Variants in FUT8 observed in about 807,000 individuals in gnomAD.
FUT8 encodes the protein fucosyltransferase 8.
Under a neutral mutation model 71.3 loss-of-function variants are expected in FUT8, and 29 were observed. That is an observed-to-expected ratio of 0.41 (90% confidence interval 0.30 to 0.55). FUT8 has a LOEUF of 0.55. Among genes scored for constraint, FUT8 ranks in the 20% least tolerant of loss-of-function variants. The probability of loss-of-function intolerance (pLI) is 0.34; values close to 1 mark genes in which losing one functional copy is unlikely to be tolerated. For missense variants in FUT8, 544 were observed against 702.1 expected, an observed-to-expected ratio of 0.77 and a Z score of 2.55; for synonymous variants, 254 against 239.3, an observed-to-expected ratio of 1.06 and a Z score of -0.57.
chr14:65,526,626 G>C (rs1883489217), intron 2 of FUT8, among the ~76,000 whole-genome samples: 1 of 152,148 alleles, frequency 6.6e-6, no homozygotes, highest in African/African-American at 2.4e-5. Context: ...TGGTTATTTT[G>C]CTTGTTAGTT....
At chr14:65,712,868 G>T (rs552759241) in intron 7 of FUT8, among the ~76,000 whole-genome samples, 1 of 152,262 alleles carries the variant, frequency 6.6e-6, no homozygotes, top group African/African-American at 2.4e-5. Context: ...CAGGGTAAAT[G>T]GGGTATCCAT....
rs34809476 is a variant in FUT8, at chr14:65,508,491, G to GTTTTTT, written c.-228+52794_-228+52799dup. On this transcript the variant is annotated intron_variant, in intron 2 of 10. Transcript: ENST00000673929. ...AATTTTTTCCTGTAGAGTTGTTTGA[G>GTTTTTT]TTTTTTTTTTTTTTTTTTTTTTTTT... is the stretch of plus-strand genomic sequence containing the variant. 3.4e-4 allele frequency among the ~76,000 whole-genome samples: 16 copies of GTTTTTT among 46,498 alleles called. 2 individuals are homozygous for GTTTTTT. The highest frequency in any genetic ancestry group is 2.3e-3 in the South Asian group (2 of 876). 30.5% of individuals were successfully genotyped at this position (46,498 alleles called of 152,430 possible). A position where few individuals can be genotyped will look rare whatever the true frequency, so the allele number is the denominator to read the frequency against.
chr14:65,361,831 T>C, the FUT8 span, among the ~76,000 whole-genome samples: 1 of 151,906 alleles, frequency 6.6e-6, no homozygotes, highest in African/African-American at 2.4e-5. Flanking sequence ...AATAAATAAA[T>C]AAATAAATTA....
chr14:65,485,198 A>G, intron 2 of FUT8, among the ~76,000 whole-genome samples: 1 of 152,078 alleles, frequency 6.6e-6, no homozygotes, highest in East Asian at 1.9e-4. Context: ...ATAATTTTTA[A>G]TGTCCTTGTT....
chr14:65,590,668 A>G (rs1342443260), intron 3 of FUT8, among the ~76,000 whole-genome samples: 1 of 152,224 alleles, frequency 6.6e-6, no homozygotes, highest in African/African-American at 2.4e-5. Context: ...CATAGAAAAT[A>G]AAGGGTTCTA....
chr14:65,491,615 C>A (rs1007501232), intron 2 of FUT8, among the ~76,000 whole-genome samples: 9 of 151,972 alleles, frequency 5.9e-5, no homozygotes, highest in African/African-American at 2.2e-4. Flanking sequence ...TTTATAAAAT[C>A]ACATAATTTT....
At chr14:65,683,732 A>G (rs1439771085) in intron 7 of FUT8, among the ~76,000 whole-genome samples, 3 of 152,160 alleles carry the variant, frequency 2.0e-5, no homozygotes, top group African/African-American at 7.2e-5. Context: ...CACCAAAAAT[A>G]AAAGCAGAGG....
intron 6 of FUT8, among the ~76,000 whole-genome samples, chr14:65,651,680 C>T (rs149036763): frequency 1.3e-5 from 2 of 152,020 alleles, no homozygotes; most frequent in African/African-American, 4.8e-5. Flanking sequence ...TAGAAAGTGT[C>T]ACCAAAGTAA....
At chr14:65,559,985 AG>A (rs1481614445) in intron 2 of FUT8, among the ~76,000 whole-genome samples, 1 of 152,198 alleles carries the variant, frequency 6.6e-6, no homozygotes, top group Non-Finnish European at 1.5e-5. Flanking sequence ...TGTTTTAGCC[AG>A]TGTAAATCAG....
At chr14:65,585,779 A>T (rs915876769) in intron 3 of FUT8, among the ~76,000 whole-genome samples, 2 of 152,222 alleles carry the variant, frequency 1.3e-5, no homozygotes, top group African/African-American at 4.8e-5. Flanking sequence ...TGATTTCCTC[A>T]AAGCTGACAC....
the FUT8 span, among the ~76,000 whole-genome samples, chr14:65,391,703 G>T: frequency 8.0e-5 from 12 of 150,194 alleles, no homozygotes; most frequent in Non-Finnish European, 1.2e-4. Flanking sequence ...GGTCAGGCTG[G>T]TCTCGAACTC....
At position 65,427,028 on chromosome 14, in the gene FUT8, T is replaced by G. The variant is rs8011044; in HGVS notation, c.-326+13814T>G. Among the ~76,000 whole-genome samples the G allele has an allele frequency of 6.8e-3, 1,038 of 151,996 alleles. 15 individuals carry two copies. Among genetic ancestry groups the G allele is most frequent in the African/African-American group, 0.023 (970 of 41,430 alleles). ...TGCCCGCTACCATGCCCGGCTAATT[T>G]TGTTTTTGTATTTTTAGTAGAAACA... On this transcript the variant is annotated intron_variant, in intron 1 of 10. Coordinates refer to ENST00000673929, the MANE Select transcript of FUT8 (RefSeq NM_001371533.1).
chr14:65,410,171 G>C (rs1000461921), upstream of FUT8, among the ~76,000 whole-genome samples: 5 of 152,196 alleles, frequency 3.3e-5, no homozygotes, highest in African/African-American at 1.2e-4. Flanking sequence ...GAATTTTCTT[G>C]TCTGGAGAGA....
At chr14:65,723,284 C>A (rs530022960) in intron 8 of FUT8, among the ~76,000 whole-genome samples, 33 of 151,816 alleles carry the variant, frequency 2.2e-4, no homozygotes, top group African/African-American at 7.7e-4. Context: ...ATAATCACGC[C>A]ACTGCACTCC....
rs779844967 is a variant in FUT8 at position 65,742,338 on chromosome 14, A to G, written c.1656A>G (p.Leu552=). 1.9e-5 allele frequency: 30 copies of G among 1,612,870 alleles called. No homozygotes were observed. The highest frequency in any genetic ancestry group is 1.7e-4 in the Middle Eastern group (1 of 6,050). ...GVNRKLGRTG[L]YPSYKVREKI... ...ACAGGAAATTGGGAAGGACGGGCCT[A>G]TATCCCTCCTACAAAGTTCGAGAGA... Residue 552 remains leucine (L), a synonymous_variant, in exon 11 of 11, where the codon CTA becomes CTG. Coordinates refer to ENST00000673929, the MANE Select transcript of FUT8 (RefSeq NM_001371533.1).
chr14:65,522,824 T>C (rs1883177633), intron 2 of FUT8, among the ~76,000 whole-genome samples: 1 of 151,332 alleles, frequency 6.6e-6, no homozygotes, highest in Non-Finnish European at 1.5e-5. Context: ...CATGTGGTAT[T>C]TGGTTTACTG....
chr14:65,667,627 C>G (rs1184949158), intron 6 of FUT8, among the ~76,000 whole-genome samples: 1 of 152,074 alleles, frequency 6.6e-6, no homozygotes, highest in Non-Finnish European at 1.5e-5. Flanking sequence ...CTATGCTATT[C>G]CCATCAAACT....
chr14:65,654,323 G>A (rs1397122159), intron 6 of FUT8, among the ~76,000 whole-genome samples: 1 of 152,162 alleles, frequency 6.6e-6, no homozygotes, highest in Non-Finnish European at 1.5e-5. Context: ...GCACGGTGGA[G>A]CACGCCTGTA....
chr14:65,524,119 C>T (rs112899270), intron 2 of FUT8, among the ~76,000 whole-genome samples: 36 of 152,184 alleles, frequency 2.4e-4, no homozygotes, highest in African/African-American at 6.5e-4. Context: ...GAAAGTCATT[C>T]GTAGTTTGAT....
Sources: allele counts gnomAD v4.1 joint callset (sites outside exome capture counted in the v4.1 genomes callset), GRCh38; gene constraint gnomAD v4.1.1; transcripts MANE v1.5; gene names NCBI Gene and HGNC (gene_info 2026-07-23, HGNC 2026-07-21).